CELF2: variants seen among roughly 807,000 people sequenced by gnomAD.
CELF2 encodes CUGBP Elav-like family member 2, also known as CUG triplet repeat RNA-binding protein 2.
A neutral mutation model predicts 62.6 loss-of-function variants in CELF2; 8 were observed. That is an observed-to-expected ratio of 0.13 (90% CI 0.07 to 0.23). The LOEUF is 0.23. Ranked by LOEUF, CELF2 falls within the 10% of genes least tolerant of loss-of-function variation. The pLI, the probability that CELF2 is intolerant of heterozygous loss-of-function variation, is 1.00. For missense variants in CELF2, 333 were observed against 671.0 expected (o/e 0.50, Z 5.56); for synonymous variants, 258 against 250.0 (o/e 1.03, Z -0.30).
At chr10:10,507,598 C>T in the CELF2 span, among the ~76,000 whole-genome samples, 3 of 152,092 alleles carry the variant, frequency 2.0e-5, no homozygotes, top group Non-Finnish European at 4.4e-5. Context: ...AGGGGAGACA[C>T]AAAATTTCCA....
intron 1 of CELF2, among the ~76,000 whole-genome samples, chr10:11,093,908 A>C (rs1440896645): frequency 1.3e-5 from 2 of 152,250 alleles, no homozygotes; most frequent in East Asian, 3.8e-4. Context: ...AACTCTTCTA[A>C]GGTTGAGTCA....
intron 1 of CELF2, among the ~76,000 whole-genome samples, chr10:11,153,868 C>G (rs942356433): frequency 6.6e-6 from 1 of 152,148 alleles, no homozygotes; most frequent in Non-Finnish European, 1.5e-5. Flanking sequence ...TATCGAGGAA[C>G]CTGTGCTCTT....
intron 2 of CELF2, among the ~76,000 whole-genome samples, chr10:10,951,092 C>A (rs1019570406): frequency 6.6e-6 from 1 of 152,206 alleles, no homozygotes; most frequent in Non-Finnish European, 1.5e-5. Flanking sequence ...AAACCAGTTA[C>A]CAAAGCCATC....
chr10:11,028,427 T>C (rs1031986042), intron 1 of CELF2, among the ~76,000 whole-genome samples: 4 of 144,692 alleles, frequency 2.8e-5, no homozygotes, highest in African/African-American at 9.8e-5. Context: ...TTTTTCTTTT[T>C]TTTTTTTTTT....
chr10:10,655,415 T>G, the CELF2 span, among the ~76,000 whole-genome samples: 3 of 125,570 alleles, frequency 2.4e-5, 1 homozygote, highest in Admixed American at 8.1e-5. Context: ...CATCGCCAAG[T>G]CAATCCTAAG....
the CELF2 span, among the ~76,000 whole-genome samples, chr10:10,741,849 T>G: frequency 6.6e-6 from 1 of 152,234 alleles, no homozygotes; most frequent in Admixed American, 6.5e-5. Flanking sequence ...AATTTTGCCC[T>G]CTAATTTTAT....
chr10:10,593,326 C>T, the CELF2 span, among the ~76,000 whole-genome samples: 1 of 152,198 alleles, frequency 6.6e-6, no homozygotes, highest in Non-Finnish European at 1.5e-5. Context: ...AACGGCTTTG[C>T]TCATGCATCC....
At chr10:11,288,090 C>T (rs2091779844) in intron 8 of CELF2, among the ~76,000 whole-genome samples, 1 of 152,246 alleles carries the variant, frequency 6.6e-6, no homozygotes, top group Non-Finnish European at 1.5e-5. Flanking sequence ...TTCCACTTAT[C>T]TCTACAGCAT....
intron 2 of CELF2, among the ~76,000 whole-genome samples, chr10:11,183,517 C>T (rs906166102): frequency 1.3e-5 from 2 of 152,162 alleles, no homozygotes; most frequent in South Asian, 2.1e-4. Context: ...CTTAAGAAAC[C>T]GCCTGTTTGC....
At chr10:10,525,516 C>T in the CELF2 span, among the ~76,000 whole-genome samples, 3 of 152,126 alleles carry the variant, frequency 2.0e-5, no homozygotes, top group Non-Finnish European at 2.9e-5. Flanking sequence ...CTTCTGACCC[C>T]GTGTAACCAC....
At chr10:11,209,337 A>C (rs753393546) in intron 2 of CELF2, among the ~76,000 whole-genome samples, 1 of 151,382 alleles carries the variant, frequency 6.6e-6, no homozygotes, top group East Asian at 2.0e-4. Flanking sequence ...ATTCACACCA[A>C]CGGGCCCAGA....
chr10:10,596,130 A>T, the CELF2 span, among the ~76,000 whole-genome samples: 3 of 152,262 alleles, frequency 2.0e-5, no homozygotes, highest in African/African-American at 7.2e-5. Flanking sequence ...TCCTGTATCA[A>T]AAGTAGTTCA....
chr10:11,161,407 C>T (rs866026683), intron 1 of CELF2, among the ~76,000 whole-genome samples: 49 of 152,292 alleles, frequency 3.2e-4, no homozygotes, highest in Middle Eastern at 3.4e-3. Context: ...GAGTGGTCAC[C>T]GAGTTGGGAA....
At chr10:11,218,568 A>G (rs1486113341) in intron 3 of CELF2, among the ~76,000 whole-genome samples, 2 of 152,244 alleles carry the variant, frequency 1.3e-5, no homozygotes, top group African/African-American at 2.4e-5. Context: ...GATTTTCACA[A>G]CATGAGGTTC....
rs2078598822 is a variant in CELF2 at position 11,255,902 on chromosome 10, T to A, written c.404-1836T>A. ...CTAATCACCGCCATTGCTCTCCCCT[T>A]CAAGCCTTCTCTCCTCCTCTGAACT... On this transcript the variant is annotated intron_variant, in intron 4 of 12. Coordinates refer to ENST00000633077, the MANE Select transcript of CELF2 (RefSeq NM_001326342.2). The surrounding 1 kb of genome is among the most constrained non-coding windows in gnomAD (Gnocchi z 5.5). 6.6e-6 allele frequency among the ~76,000 whole-genome samples: 1 copy of A among 152,186 alleles called. No homozygotes were observed. Among genetic ancestry groups the A allele is most frequent in the Admixed American group, 6.5e-5 (1 of 15,284 alleles).
At chr10:11,172,827 C>G (rs1037387593) in intron 2 of CELF2, among the ~76,000 whole-genome samples, 1 of 152,194 alleles carries the variant, frequency 6.6e-6, no homozygotes, top group African/African-American at 2.4e-5. Flanking sequence ...CAGCTAGTCC[C>G]CAGTCGTCTT....
intron 1 of CELF2, among the ~76,000 whole-genome samples, chr10:11,141,531 G>A (rs115580950): frequency 0.012 from 1,785 of 152,336 alleles, 29 homozygotes; most frequent in African/African-American, 0.041. Flanking sequence ...GCAGATTGAC[G>A]TTCTTGGAAG....
the CELF2 span, among the ~76,000 whole-genome samples, chr10:10,629,861 C>CAAAAAAAAAA: frequency 3.2e-4 from 4 of 12,350 alleles, 2 homozygotes; most frequent in African/African-American, 6.7e-4. Context: ...GGCTGAAGAC[C>CAAAAAAAAAA]AAAAAAAAAA....
intron 1 of CELF2, among the ~76,000 whole-genome samples, chr10:11,027,806 G>C (rs2059468594): frequency 6.6e-6 from 1 of 152,112 alleles, no homozygotes; most frequent in African/African-American, 2.4e-5. Context: ...AGTCTCAGTT[G>C]ACTTGTCAAG....
Sources: allele counts gnomAD v4.1 joint callset (sites outside exome capture counted in the v4.1 genomes callset), GRCh38; gene constraint gnomAD v4.1.1; non-coding constraint Gnocchi (gnomAD v3.1); transcripts MANE v1.5; gene names NCBI Gene and HGNC (gene_info 2026-07-23, HGNC 2026-07-21).